HIPK3: variants seen among roughly 807,000 people sequenced by gnomAD.
HIPK3 encodes homeodomain-interacting protein kinase 3.
A neutral mutation model predicts 124.2 loss-of-function variants in HIPK3; 47 were observed. That is an observed-to-expected ratio of 0.38 (90% CI 0.30 to 0.48). The LOEUF is 0.48. HIPK3 is among the 20% of genes least tolerant of loss of function. The probability of loss-of-function intolerance (pLI) is 0.98; values close to 1 mark genes in which losing one functional copy is unlikely to be tolerated. For missense variants in HIPK3, 1,286 were observed against 1,454.3 expected (o/e 0.88, Z 1.88); for synonymous variants, 482 against 515.2 (o/e 0.94, Z 0.87).
intron 1 of HIPK3, among the ~76,000 whole-genome samples, chr11:33,268,995 C>G (rs1851050682): frequency 6.6e-6 from 1 of 152,008 alleles, no homozygotes; most frequent in African/African-American, 2.4e-5. Context: ...GTTTAGGGAC[C>G]ATGCTCTTAC....
intron 1 of HIPK3, among the ~76,000 whole-genome samples, chr11:33,285,199 T>C: frequency 6.6e-6 from 1 of 152,196 alleles, no homozygotes; most frequent in East Asian, 1.9e-4. Context: ...CACATCCTTT[T>C]TGGATGCAGG....
At chr11:33,318,900 C>A (rs961486052) in intron 2 of HIPK3, among the ~76,000 whole-genome samples, 3 of 152,074 alleles carry the variant, frequency 2.0e-5, no homozygotes, top group Non-Finnish European at 4.4e-5. Flanking sequence ...TCCTGTGTTT[C>A]TTTGAATCAA....
intron 2 of HIPK3, among the ~76,000 whole-genome samples, chr11:33,288,730 G>A (rs1433377119): frequency 2.0e-5 from 3 of 152,180 alleles, no homozygotes; most frequent in African/African-American, 7.2e-5. Context: ...ATTCTGGAGT[G>A]TAAAATGGCT....
At position 33,353,599 on chromosome 11, in the gene HIPK3, C is replaced by G; in HGVS notation, c.*31C>G. ...AGTATATTGGGGAAGCTCAATGATA[C>G]AAACATTTGATTAAAAATAAAAACA... On this transcript the variant is annotated 3_prime_UTR_variant, in exon 17 of 17. Transcript: ENST00000303296. The G allele has an allele frequency of 1.7e-5, 23 of 1,322,318 alleles. No individual in the cohort carries two copies. The highest frequency in any genetic ancestry group is 2.4e-5 in the Non-Finnish European group (22 of 922,952). The allele number at this position is 1,322,318 out of a possible 1,614,324, so 81.9% of individuals were successfully genotyped here. A position where few individuals can be genotyped will look rare whatever the true frequency, so the allele number is the denominator to read the frequency against.
intron 2 of HIPK3, among the ~76,000 whole-genome samples, chr11:33,312,960 G>C (rs551330769): frequency 1.3e-5 from 2 of 152,270 alleles, no homozygotes; most frequent in African/African-American, 4.8e-5. Flanking sequence ...TTTGAATTTA[G>C]TTCTCTATTA....
At chr11:33,285,331 A>G (rs1046574417) in intron 1 of HIPK3, among the ~76,000 whole-genome samples, 3 of 128 alleles carry the variant, frequency 0.023, no homozygotes, top group Non-Finnish European at 0.05. Flanking sequence ...ATATTTTCCA[A>G]TATATTTGGA....
At chr11:33,272,608 TTTTCCTTTTTTC>T (rs1352098066) in intron 1 of HIPK3, among the ~76,000 whole-genome samples, 2 of 151,664 alleles carry the variant, frequency 1.3e-5, no homozygotes, top group African/African-American at 4.9e-5. Context: ...CTCCTTTCCT[TTTTCCTTTTTTC>T]TTTCCTTTTT....
Position 33,351,538 on chromosome 11 carries a change from G to A in HIPK3, c.2808-70G>A. On this transcript the variant is annotated intron_variant, in intron 14 of 16. Coordinates refer to ENST00000303296, the MANE Select transcript of HIPK3 (RefSeq NM_005734.5). ...TGTTCTCATCAGTTCACTGGAGCCT[G>A]AATATTACTTAACATTAGATTTAAT... is the stretch of plus-strand genomic sequence containing the variant. 3.8e-6 allele frequency: 4 copies of A among 1,049,804 alleles called. No individual in the cohort carries two copies. The South Asian group carries it at 5.6e-5, about 15-fold the overall frequency. 65.0% of individuals were successfully genotyped at this position (1,049,804 alleles called of 1,614,324 possible). A position where few individuals can be genotyped will look rare whatever the true frequency, so the allele number is the denominator to read the frequency against.
chr11:33,311,914 C>T (rs1185942700), intron 2 of HIPK3, among the ~76,000 whole-genome samples: 5 of 136,606 alleles, frequency 3.7e-5, no homozygotes, highest in South Asian at 2.3e-4. Context: ...TGTTTCTACA[C>T]ACACACACAC....
At chr11:33,305,866 A>G (rs138732158) in intron 2 of HIPK3, among the ~76,000 whole-genome samples, 12 of 148,416 alleles carry the variant, frequency 8.1e-5, no homozygotes, top group African/African-American at 2.7e-4. Flanking sequence ...TTTTTTTTGG[A>G]GACAGAGTCT....
At chr11:33,290,640 C>CT (rs34712545) in intron 2 of HIPK3, among the ~76,000 whole-genome samples, 50,554 of 141,632 alleles carry the variant, frequency 0.36, 8,934 homozygotes, top group African/African-American at 0.46. Context: ...AAAAAAAAGT[C>CT]TTTTTTTTTT....
At chr11:33,338,925 A>C in intron 5 of HIPK3, 82 bp downstream of exon 5, 1 of 902,474 alleles carries the variant, frequency 1.1e-6, no homozygotes, top group Non-Finnish European at 1.8e-6. Flanking sequence ...CATGTTACTC[A>C]GTTTTTAAAT....
At chr11:33,323,923 G>A (rs1447693158) in intron 2 of HIPK3, among the ~76,000 whole-genome samples, 2 of 152,184 alleles carry the variant, frequency 1.3e-5, no homozygotes, top group Non-Finnish European at 2.9e-5. Flanking sequence ...CCATTCAACT[G>A]GCATGTTTAA....
At chr11:33,294,870 T>A (rs1288523466) in intron 2 of HIPK3, among the ~76,000 whole-genome samples, 1 of 152,242 alleles carries the variant, frequency 6.6e-6, no homozygotes, top group Non-Finnish European at 1.5e-5. Flanking sequence ...ATGGACCTTT[T>A]TTTCTCGTGC....
intron 2 of HIPK3, among the ~76,000 whole-genome samples, chr11:33,321,824 A>G (rs1175175647): frequency 2.0e-5 from 3 of 152,138 alleles, no homozygotes; most frequent in African/African-American, 7.2e-5. Flanking sequence ...AAAAATGAAA[A>G]TACTAAGGCT....
intron 2 of HIPK3, among the ~76,000 whole-genome samples, chr11:33,291,425 G>A (rs1293831418): frequency 1.3e-5 from 2 of 152,172 alleles, no homozygotes; most frequent in African/African-American, 2.4e-5. Flanking sequence ...AGGTTTATGT[G>A]TATTCTATTT....
intron 1 of HIPK3, among the ~76,000 whole-genome samples, chr11:33,260,283 C>T (rs1256504688): frequency 6.6e-6 from 1 of 152,122 alleles, no homozygotes; most frequent in Non-Finnish European, 1.5e-5. Context: ...TATGGAGAGC[C>T]TCCCTGCACC....
At chr11:33,302,979 A>C (rs1852049370) in intron 2 of HIPK3, among the ~76,000 whole-genome samples, 1 of 152,188 alleles carries the variant, frequency 6.6e-6, no homozygotes, top group Non-Finnish European at 1.5e-5. Flanking sequence ...AGTTTATTTA[A>C]TTCTGTACAC....
At position 33,281,194 on chromosome 11, in the gene HIPK3, C is replaced by T. The variant is rs1055600060; in HGVS notation, c.-2-5219C>T. Among the ~76,000 whole-genome samples the T allele has an allele frequency of 6.6e-5, 10 of 151,758 alleles. No individual in the cohort carries two copies. In the East Asian group the frequency reaches 7.8e-4, roughly 12 times the overall value. ...AAGCGATTCTCCTGTCTCAGCCTCC[C>T]GAGTAGCTGGGATTACAGGCGTGCG... is the stretch of plus-strand genomic sequence containing the variant. On this transcript the variant is annotated intron_variant, in intron 1 of 16. Coordinates refer to ENST00000303296, the MANE Select transcript of HIPK3 (RefSeq NM_005734.5).
Sources: allele counts gnomAD v4.1 joint callset (sites outside exome capture counted in the v4.1 genomes callset), GRCh38; gene constraint gnomAD v4.1.1; transcripts MANE v1.5; gene names NCBI Gene and HGNC (gene_info 2026-07-23, HGNC 2026-07-21).